CTNNA3: variants seen among roughly 807,000 people sequenced by gnomAD.
CTNNA3 encodes catenin alpha-3.
Under a neutral mutation model 95.7 loss-of-function variants are expected in CTNNA3, and 76 were observed. That is an observed-to-expected ratio of 0.79 (90% confidence interval 0.66 to 0.96). The LOEUF (loss-of-function observed/expected upper bound fraction) is 0.96. Among genes scored for constraint, CTNNA3 ranks in the 40% least tolerant of loss-of-function variants. The pLI, the probability that CTNNA3 is intolerant of heterozygous loss-of-function variation, is 0.00. For synonymous variants in CTNNA3, 431 were observed against 374.4 expected (o/e 1.15, Z -1.74); for missense variants, 1,191 against 1,089.8 (o/e 1.09, Z -1.31).
In CTNNA3 at chr10:67,237,167, T is replaced by C. The variant is rs1471226118; in HGVS notation, c.580-17297A>G. 1.9e-3 allele frequency among the ~76,000 whole-genome samples: 203 copies of C among 108,994 alleles called. 3 individuals carry two copies. The highest frequency in any genetic ancestry group is 6.9e-3 in the African/African-American group (189 of 27,250). The allele number at this position is 108,994 out of a possible 152,430, so 71.5% of individuals were successfully genotyped here. On this transcript the variant is annotated intron_variant, in intron 5 of 17. Coordinates refer to ENST00000433211, the MANE Select transcript of CTNNA3 (RefSeq NM_013266.4). ...ATATATATATATATATATATATATA[T>C]ATATATACACACACAATGGAATACT... is the stretch of plus-strand genomic sequence containing the variant.
chr10:66,711,475 C>G (rs1379694627), intron 9 of CTNNA3, among the ~76,000 whole-genome samples: 1 of 151,974 alleles, frequency 6.6e-6, no homozygotes, highest in Non-Finnish European at 1.5e-5. Context: ...CTTTTGTCTT[C>G]CTTGTGCTTC....
chr10:67,130,244 G>A (rs571324835), intron 7 of CTNNA3, among the ~76,000 whole-genome samples: 5 of 152,014 alleles, frequency 3.3e-5, no homozygotes, highest in Non-Finnish European at 7.4e-5. Flanking sequence ...GGTGCCTTAA[G>A]CCCTCAGTGT....
intron 10 of CTNNA3, among the ~76,000 whole-genome samples, chr10:66,615,752 A>G (rs1448384246): frequency 6.6e-6 from 1 of 152,136 alleles, no homozygotes; most frequent in Non-Finnish European, 1.5e-5. Context: ...GCTTTCATAG[A>G]TCCAGGTTTG....
intron 1 of CTNNA3, among the ~76,000 whole-genome samples, chr10:67,676,362 A>G (rs1174174589): frequency 1.3e-5 from 2 of 152,208 alleles, no homozygotes; most frequent in African/African-American, 4.8e-5. Context: ...GAACTGAACA[A>G]TTATAAAATG....
intron 11 of CTNNA3, among the ~76,000 whole-genome samples, chr10:66,499,037 T>C (rs1840191135): frequency 6.6e-6 from 1 of 152,182 alleles, no homozygotes; most frequent in Non-Finnish European, 1.5e-5. Flanking sequence ...TGCAATGAAG[T>C]AAAACCTAAC....
In CTNNA3 at chr10:66,110,383, T is replaced by C. The variant is rs567951792; in HGVS notation, c.1885-7134A>G. 1.7e-3 allele frequency among the ~76,000 whole-genome samples: 232 copies of C among 139,752 alleles called. 1 individual carries two copies. The highest frequency in any genetic ancestry group is 6.0e-3 in the African/African-American group (220 of 36,834). 91.7% of individuals were successfully genotyped at this position (139,752 alleles called of 152,430 possible). A position where few individuals can be genotyped will look rare whatever the true frequency, so the allele number is the denominator to read the frequency against. The stretch of plus-strand genomic sequence containing the variant: ...TCTAAAAAAAAAAAAAAAAAAAAAA[T>C]TCAAATCAATATGCCTAAGAGATAT... On this transcript the variant is annotated intron_variant, in intron 13 of 17. Transcript: ENST00000433211.
At chr10:67,004,130 C>T (rs141640301) in intron 7 of CTNNA3, among the ~76,000 whole-genome samples, 275 of 151,056 alleles carry the variant, frequency 1.8e-3, no homozygotes, top group Middle Eastern at 7.1e-3. Flanking sequence ...GCTGTGGAGC[C>T]ATGGCTGTGT....
At chr10:67,064,000 A>G (rs1855916138) in intron 7 of CTNNA3, among the ~76,000 whole-genome samples, 1 of 152,164 alleles carries the variant, frequency 6.6e-6, no homozygotes, top group African/African-American at 2.4e-5. Context: ...GGAATTTTAG[A>G]GTCATCTCCC....
At chr10:66,454,549 C>A (rs1447718366) in intron 11 of CTNNA3, among the ~76,000 whole-genome samples, 3 of 152,014 alleles carry the variant, frequency 2.0e-5, no homozygotes, top group African/African-American at 7.2e-5. Flanking sequence ...GAAATATATA[C>A]TCTGAATATT....
intron 11 of CTNNA3, among the ~76,000 whole-genome samples, chr10:66,408,389 G>C (rs1231710043): frequency 6.9e-6 from 1 of 144,176 alleles, no homozygotes; most frequent in Admixed American, 7.2e-5. Flanking sequence ...TATTTTCATA[G>C]AGTATATGTC....
intron 9 of CTNNA3, among the ~76,000 whole-genome samples, chr10:66,675,266 G>A (rs1846812099): frequency 6.6e-6 from 1 of 151,296 alleles, no homozygotes; most frequent in African/African-American, 2.4e-5. Flanking sequence ...ATAAATTACT[G>A]AAAGAGTATG....
chr10:67,565,926 C>G (rs897239701), intron 3 of CTNNA3, among the ~76,000 whole-genome samples: 2 of 134,002 alleles, frequency 1.5e-5, no homozygotes, highest in Non-Finnish European at 3.2e-5. Flanking sequence ...TTTACAATAG[C>G]AAAGATATGC....
At chr10:66,933,455 T>C (rs1847521125) in intron 7 of CTNNA3, among the ~76,000 whole-genome samples, 1 of 152,238 alleles carries the variant, frequency 6.6e-6, no homozygotes, top group Admixed American at 6.5e-5. Context: ...ACTCCCTTTC[T>C]AGTATCATTG....
chr10:66,505,612 G>T (rs1049010773), intron 11 of CTNNA3, among the ~76,000 whole-genome samples: 1 of 152,058 alleles, frequency 6.6e-6, no homozygotes, highest in African/African-American at 2.4e-5. Context: ...TAGGTTATTC[G>T]GCTTGAGCTA....
At chr10:66,741,549 A>G (rs1004398885) in intron 9 of CTNNA3, among the ~76,000 whole-genome samples, 12 of 152,140 alleles carry the variant, frequency 7.9e-5, no homozygotes, top group African/African-American at 2.7e-4. Context: ...TTCAGGATAA[A>G]CTAATACAAT....
intron 7 of CTNNA3, among the ~76,000 whole-genome samples, chr10:66,780,019 G>T (rs187987728): frequency 1.3e-5 from 2 of 152,036 alleles, no homozygotes; most frequent in African/African-American, 4.8e-5. Flanking sequence ...GAGTATTACA[G>T]GATATATAAA....
At chr10:66,790,816 C>A (rs1840938519) in intron 7 of CTNNA3, among the ~76,000 whole-genome samples, 3 of 152,144 alleles carry the variant, frequency 2.0e-5, no homozygotes, top group Non-Finnish European at 1.5e-5. Context: ...AAACTCATGA[C>A]CTTCCCACCA....
intron 7 of CTNNA3, among the ~76,000 whole-genome samples, chr10:67,005,224 C>T (rs1293729868): frequency 1.3e-5 from 2 of 152,080 alleles, no homozygotes; most frequent in African/African-American, 2.4e-5. Flanking sequence ...GACAATGGTG[C>T]TGTTCAATAG....
chr10:66,180,092 A>G (rs577150291), intron 13 of CTNNA3, among the ~76,000 whole-genome samples: 2 of 152,292 alleles, frequency 1.3e-5, no homozygotes, highest in South Asian at 2.1e-4. Context: ...TATGCTGCCA[A>G]TTAGATAAAA....
Sources: allele counts gnomAD v4.1 joint callset (sites outside exome capture counted in the v4.1 genomes callset), GRCh38; gene constraint gnomAD v4.1.1; transcripts MANE v1.5; gene names NCBI Gene and HGNC (gene_info 2026-07-23, HGNC 2026-07-21).